Variants in CERS3 observed in about 807,000 individuals in gnomAD.
The protein encoded by CERS3 is ceramide synthase 3.
In CERS3, 33 loss-of-function variants were observed where a neutral mutation model predicts 50.3. That is an observed-to-expected ratio of 0.66 (90% confidence interval 0.50 to 0.88). The LOEUF (loss-of-function observed/expected upper bound fraction) is 0.88. CERS3 is among the 40% of genes least tolerant of loss of function. The pLI is 0.00. For missense variants in CERS3, 470 were observed against 460.3 expected (o/e 1.02, Z -0.19); for synonymous variants, 176 against 155.2 (o/e 1.13, Z -0.99).
At chr15:100,482,855 G>A (rs1029897426) in intron 5 of CERS3, among the ~76,000 whole-genome samples, 4 of 152,176 alleles carry the variant, frequency 2.6e-5, no homozygotes, top group African/African-American at 9.7e-5. Flanking sequence ...TGTGATTTCT[G>A]TAGCACATCC....
chr15:100,503,026 A>G (rs768960293), intron 2 of CERS3, among the ~76,000 whole-genome samples: 1 of 152,248 alleles, frequency 6.6e-6, no homozygotes, highest in Non-Finnish European at 1.5e-5. Flanking sequence ...AGAGCATAGA[A>G]TAATGTAAAT....
At chr15:100,441,062 G>A (rs200455271) in intron 11 of CERS3, among the ~76,000 whole-genome samples, 6 of 152,260 alleles carry the variant, frequency 3.9e-5, no homozygotes, top group Admixed American at 2.0e-4. Flanking sequence ...CACCCTTAGC[G>A]GCAAGTCCCG....
chr15:100,476,790 G>A (rs1287928729), intron 7 of CERS3, among the ~76,000 whole-genome samples: 3 of 152,162 alleles, frequency 2.0e-5, no homozygotes, highest in East Asian at 1.9e-4. Context: ...ATTACTTAGT[G>A]TACCCAATGA....
At chr15:100,481,942 C>T (rs1026719667) in intron 5 of CERS3, among the ~76,000 whole-genome samples, 3 of 152,208 alleles carry the variant, frequency 2.0e-5, no homozygotes, top group African/African-American at 7.2e-5. Flanking sequence ...GACATGTGAT[C>T]ACAGTATTGC....
intron 11 of CERS3, among the ~76,000 whole-genome samples, chr15:100,418,868 G>C (rs2032176062): frequency 6.6e-6 from 1 of 151,350 alleles, no homozygotes; most frequent in African/African-American, 2.4e-5. Context: ...ATACTATACA[G>C]ACAAGCAAAT....
At chr15:100,494,286 C>T (rs1205289871) in intron 3 of CERS3, among the ~76,000 whole-genome samples, 2 of 143,070 alleles carry the variant, frequency 1.4e-5, no homozygotes, top group South Asian at 4.4e-4. Flanking sequence ...CTTGCACTGT[C>T]GCCCAGGCTG....
rs928317895 is a variant in CERS3, at chr15:100,417,387, G to A, written c.1000-14522C>T. ...CGCTTTTCCGACGGGCTTAAAAAAT[G>A]GCGCACCACGAGATTATATCCCACA... On this transcript the variant is annotated intron_variant, in intron 11 of 11. Coordinates refer to ENST00000679737, the MANE Select transcript of CERS3 (RefSeq NM_001378789.1). 2.4e-4 allele frequency among the ~76,000 whole-genome samples: 37 copies of A among 152,170 alleles called. 1 individual carries two copies. Among genetic ancestry groups the A allele is most frequent in the African/African-American group, 8.9e-4 (37 of 41,444 alleles).
chr15:100,469,673 A>C (rs1258158290), intron 9 of CERS3, among the ~76,000 whole-genome samples, 189 bp from the exon 10 acceptor site: 1 of 152,214 alleles, frequency 6.6e-6, no homozygotes, highest in Non-Finnish European at 1.5e-5. Context: ...TGATGGGTCC[A>C]TTATATGATT....
intron 11 of CERS3, among the ~76,000 whole-genome samples, chr15:100,443,344 C>G (rs1359036527): frequency 1.3e-5 from 2 of 150,972 alleles, no homozygotes; most frequent in Admixed American, 6.7e-5. Context: ...TACAGCATGG[C>G]CTTTTAAAGC....
At chr15:100,433,545 T>A (rs2033240876) in intron 11 of CERS3, among the ~76,000 whole-genome samples, 1 of 152,212 alleles carries the variant, frequency 6.6e-6, no homozygotes, top group Non-Finnish European at 1.5e-5. Context: ...AATTGGGTCA[T>A]CTCTGAAGGG....
In CERS3 at chr15:100,434,265, C is replaced by T. The variant is rs147979346; in HGVS notation, c.999+21628G>A. 8.1e-3 allele frequency among the ~76,000 whole-genome samples: 1,235 copies of T among 152,324 alleles called. 24 individuals are homozygous for T. Among genetic ancestry groups the T allele is most frequent in the Admixed American group, 0.05 (759 of 15,302 alleles). On this transcript the variant is annotated intron_variant, in intron 11 of 11. Transcript: ENST00000679737. ...CCAGGTCATTGGCCATGGATCCACG[C>T]GAAGAGTGCGTGCCCAGGACTGCTT...
intron 11 of CERS3, among the ~76,000 whole-genome samples, chr15:100,443,225 G>A (rs1220066293): frequency 6.1e-4 from 92 of 150,946 alleles, no homozygotes; most frequent in African/African-American, 1.6e-3. Context: ...GACCGATCAT[G>A]CACCCCTTAC....
intron 3 of CERS3, among the ~76,000 whole-genome samples, chr15:100,494,226 T>C (rs1367317105): frequency 1.0e-4 from 3 of 28,862 alleles, no homozygotes; most frequent in Non-Finnish European, 2.8e-4. Flanking sequence ...TATATATATA[T>C]ATATATATAT....
intron 11 of CERS3, among the ~76,000 whole-genome samples, chr15:100,439,977 T>A (rs993050352): frequency 1.3e-5 from 2 of 152,182 alleles, no homozygotes; most frequent in African/African-American, 4.8e-5. Flanking sequence ...AGATCAGACA[T>A]AGGAAAATCA....
At chr15:100,405,170 A>G (rs1288144199) in intron 11 of CERS3, among the ~76,000 whole-genome samples, 3 of 151,892 alleles carry the variant, frequency 2.0e-5, no homozygotes, top group Non-Finnish European at 4.4e-5. Context: ...AAACTGGGAG[A>G]TAATATTTGC....
At chr15:100,477,731 G>A (rs2035176433) in intron 7 of CERS3, among the ~76,000 whole-genome samples, 1 of 152,180 alleles carries the variant, frequency 6.6e-6, no homozygotes, top group Non-Finnish European at 1.5e-5. Flanking sequence ...AGTAGTGACT[G>A]TAATATCAGA....
chr15:100,525,522 T>C (rs1031039408), intron 1 of CERS3, among the ~76,000 whole-genome samples: 2 of 152,218 alleles, frequency 1.3e-5, no homozygotes, highest in Non-Finnish European at 2.9e-5. Flanking sequence ...GAAATTATGA[T>C]AATAACAACC....
At chr15:100,480,402 T>A (rs559742012) in intron 5 of CERS3, among the ~76,000 whole-genome samples, 162 of 152,356 alleles carry the variant, frequency 1.1e-3, no homozygotes, top group African/African-American at 3.8e-3. Flanking sequence ...AACAGTGGAT[T>A]GATATTAGCA....
At chr15:100,490,529 T>G (rs185840770) in intron 4 of CERS3, among the ~76,000 whole-genome samples, 3 of 152,326 alleles carry the variant, frequency 2.0e-5, no homozygotes, top group Admixed American at 2.0e-4. Flanking sequence ...CATTAAAAAT[T>G]AAATGTTGAC....
Sources: allele counts gnomAD v4.1 joint callset (sites outside exome capture counted in the v4.1 genomes callset), GRCh38; gene constraint gnomAD v4.1.1; transcripts MANE v1.5; gene names NCBI Gene and HGNC (gene_info 2026-07-23, HGNC 2026-07-21).